ZMAT4: variants seen among roughly 807,000 people sequenced by gnomAD.
The protein encoded by ZMAT4 is zinc finger matrin-type 4.
ZMAT4 carries 17 observed loss-of-function variants against 28.7 expected under a neutral mutation model. The ratio of observed to expected loss-of-function variants is 0.59; its 90% CI spans 0.41 to 0.89. The LOEUF (loss-of-function observed/expected upper bound fraction) is 0.89, where lower values mean the gene tolerates loss of function less well. Among genes scored for constraint, ZMAT4 ranks in the 40% least tolerant of loss-of-function variants. The pLI is 0.00. For synonymous variants in ZMAT4, 117 were observed against 109.2 expected (o/e 1.07, Z -0.44); for missense variants, 240 against 283.8 (o/e 0.85, Z 1.11).
At chr8:40,762,085 G>C (rs1812964847) in intron 3 of ZMAT4, among the ~76,000 whole-genome samples, 1 of 152,174 alleles carries the variant, frequency 6.6e-6, no homozygotes, top group Non-Finnish European at 1.5e-5. Flanking sequence ...GAAGTCAACA[G>C]CAGACCACTT....
chr8:40,774,640 A>G (rs1221524422), intron 2 of ZMAT4, among the ~76,000 whole-genome samples: 2 of 151,806 alleles, frequency 1.3e-5, no homozygotes, highest in African/African-American at 4.8e-5. Flanking sequence ...ATAGATACCA[A>G]AGAGCCACTG....
intron 2 of ZMAT4, among the ~76,000 whole-genome samples, chr8:40,823,714 TGTGTG>T: frequency 1.1e-5 from 1 of 91,848 alleles, no homozygotes; most frequent in Non-Finnish European, 2.2e-5. Flanking sequence ...CACGTGTGTG[TGTGTG>T]CGTGTGTGTT....
At chr8:40,730,733 A>G (rs1035866663) in intron 3 of ZMAT4, among the ~76,000 whole-genome samples, 10 of 152,302 alleles carry the variant, frequency 6.6e-5, no homozygotes, top group African/African-American at 2.2e-4. Context: ...TGGCTCAAAG[A>G]AAAAGAGCCC....
chr8:40,865,983 G>A (rs1817665871), intron 1 of ZMAT4, among the ~76,000 whole-genome samples: 1 of 152,260 alleles, frequency 6.6e-6, no homozygotes, highest in Admixed American at 6.5e-5. Flanking sequence ...AGTGCCCTCT[G>A]TGTGCCAAGT....
chr8:40,866,729 G>T (rs1226522400), intron 1 of ZMAT4, among the ~76,000 whole-genome samples: 1 of 152,180 alleles, frequency 6.6e-6, no homozygotes, highest in African/African-American at 2.4e-5. Context: ...TAAATAGCTG[G>T]CAAGCACCCG....
chr8:40,781,706 G>C (rs1266775833), intron 2 of ZMAT4, among the ~76,000 whole-genome samples: 1 of 128,642 alleles, frequency 7.8e-6, no homozygotes, highest in Non-Finnish European at 1.6e-5. Context: ...AGCTTGCAGT[G>C]AGCCGAGATC....
intron 2 of ZMAT4, among the ~76,000 whole-genome samples, chr8:40,812,162 A>G (rs145661412): frequency 6.6e-6 from 1 of 152,194 alleles, no homozygotes; most frequent in Non-Finnish European, 1.5e-5. Context: ...ATACATGCCT[A>G]CATACACTGT....
chr8:40,671,123 G>A (rs1031974813), intron 5 of ZMAT4, among the ~76,000 whole-genome samples: 2 of 151,026 alleles, frequency 1.3e-5, no homozygotes, highest in African/African-American at 4.9e-5. Context: ...ATGAATTAAA[G>A]GCATCATGAA....
intron 5 of ZMAT4, among the ~76,000 whole-genome samples, chr8:40,660,480 C>T (rs1808138467): frequency 6.6e-6 from 1 of 152,212 alleles, no homozygotes; most frequent in South Asian, 2.1e-4. Context: ...ATCTTCAGTA[C>T]TGGGTATAGT....
chr8:40,821,017 G>A (rs1165552978), intron 2 of ZMAT4, among the ~76,000 whole-genome samples: 2 of 143,122 alleles, frequency 1.4e-5, no homozygotes, highest in Admixed American at 6.9e-5. Flanking sequence ...ATGTGTTTAT[G>A]GGTGCGTGTG....
At chr8:40,723,470 G>C (rs1179080629) in intron 3 of ZMAT4, among the ~76,000 whole-genome samples, 1 of 121,408 alleles carries the variant, frequency 8.2e-6, no homozygotes, top group Non-Finnish European at 1.6e-5. Context: ...TTAAACCCCA[G>C]AAACAGAGGT....
intron 5 of ZMAT4, among the ~76,000 whole-genome samples, chr8:40,617,252 A>C (rs1254616814): frequency 6.6e-6 from 1 of 152,236 alleles, no homozygotes; most frequent in African/African-American, 2.4e-5. Context: ...GGCAAAAGCA[A>C]GATGTTGGAA....
chr8:40,654,831 C>T (rs1807844385), intron 5 of ZMAT4, among the ~76,000 whole-genome samples: 3 of 151,930 alleles, frequency 2.0e-5, no homozygotes, highest in Admixed American at 2.0e-4. Context: ...AAAAAATCCA[C>T]AGCTGACATC....
Position 40,830,123 on chromosome 8 carries a change from A to G in ZMAT4, c.-4-4443T>C, listed in dbSNP as rs149691126. On this transcript the variant is annotated intron_variant, in intron 1 of 6. Coordinates refer to ENST00000297737, the MANE Select transcript of ZMAT4 (RefSeq NM_024645.3). ...TTTCTGCTTCTCAAGAACAGATTGAAGGAATGAATGCAGGCTAAAATTCCA... is the reference window on the plus strand; with the variant it reads ...TTTCTGCTTCTCAAGAACAGATTGAGGGAATGAATGCAGGCTAAAATTCCA... Among the ~76,000 whole-genome samples the G allele has an allele frequency of 3.6e-3, 553 of 152,312 alleles. 4 individuals carry two copies. The highest frequency in any genetic ancestry group is 0.013 in the African/African-American group (523 of 41,574).
At chr8:40,715,297 A>G (rs9643878) in intron 3 of ZMAT4, among the ~76,000 whole-genome samples, 91,303 of 151,708 alleles carry the variant, frequency 0.6, 28,099 homozygotes, top group African/African-American at 0.73. Flanking sequence ...GGGAAATGAT[A>G]ACTACCAAAC....
intron 4 of ZMAT4, among the ~76,000 whole-genome samples, chr8:40,683,654 T>G (rs1414372801): frequency 6.6e-6 from 1 of 152,156 alleles, no homozygotes; most frequent in Non-Finnish European, 1.5e-5. Context: ...GAAACACAGG[T>G]GGCAAGGTCC....
chr8:40,881,546 GAA>G (rs879771958), intron 1 of ZMAT4, among the ~76,000 whole-genome samples: 3 of 73,388 alleles, frequency 4.1e-5, no homozygotes, highest in African/African-American at 5.8e-5. Context: ...AAGAAAGAAA[GAA>G]AGAAAGAAAG....
At position 40,854,236 on chromosome 8, in the gene ZMAT4, G is replaced by T. The variant is rs977003223; in HGVS notation, c.-4-28556C>A. 2.0e-5 allele frequency among the ~76,000 whole-genome samples: 3 copies of T among 152,118 alleles called. No individual in the cohort carries two copies. In the East Asian group the frequency reaches 5.8e-4, roughly 29 times the overall value. On this transcript the variant is annotated intron_variant, in intron 1 of 6. Transcript: ENST00000297737. ...TATCAGAGTCTTAGGAAACCTGAGT[G>T]GTCTACGGACCTTATGTTCTGAACC... is the stretch of plus-strand genomic sequence containing the variant.
chr8:40,653,254 G>A (rs1807763525), intron 5 of ZMAT4, among the ~76,000 whole-genome samples: 2 of 152,046 alleles, frequency 1.3e-5, no homozygotes, highest in African/African-American at 2.4e-5. Flanking sequence ...AGCAAAAGGA[G>A]TACTTGAAGG....
Sources: allele counts gnomAD v4.1 joint callset (sites outside exome capture counted in the v4.1 genomes callset), GRCh38; gene constraint gnomAD v4.1.1; transcripts MANE v1.5; gene names NCBI Gene and HGNC (gene_info 2026-07-23, HGNC 2026-07-21).